MAF: variants seen among roughly 807,000 people sequenced by gnomAD.
The protein encoded by MAF is transcription factor Maf.
MAF carries 10 observed loss-of-function variants against 22.0 expected under a neutral mutation model. The observed-to-expected ratio is 0.45, with a 90% confidence interval of 0.28 to 0.77. The LOEUF is 0.77. Ranked by LOEUF, MAF falls within the 30% of genes least tolerant of loss-of-function variation. The pLI, the probability that MAF is intolerant of heterozygous loss-of-function variation, is 0.12. For missense variants in MAF, 544 were observed against 548.4 expected (o/e 0.99, Z 0.08); for synonymous variants, 337 against 255.8 (o/e 1.32, Z -3.03).
chr16:79,457,651 G>C, the MAF span, among the ~76,000 whole-genome samples: 1 of 152,246 alleles, frequency 6.6e-6, no homozygotes. Context: ...AGAAGTAAGA[G>C]ACAGGGGTGA....
At chr16:79,305,897 C>G in the MAF span, among the ~76,000 whole-genome samples, 2 of 152,170 alleles carry the variant, frequency 1.3e-5, no homozygotes, top group Non-Finnish European at 2.9e-5. Flanking sequence ...CTATTTGGGA[C>G]CACAGCATGC....
At chr16:79,527,187 G>C in the MAF span, among the ~76,000 whole-genome samples, 3 of 152,176 alleles carry the variant, frequency 2.0e-5, no homozygotes, top group East Asian at 3.9e-4. Flanking sequence ...TACTAGATTG[G>C]TCTTCGTCCC....
At chr16:79,372,204 C>A in the MAF span, among the ~76,000 whole-genome samples, 1 of 151,772 alleles carries the variant, frequency 6.6e-6, no homozygotes, top group Non-Finnish European at 1.5e-5. Flanking sequence ...TCTCTGCCAG[C>A]CCAGGTCACA....
chr16:79,421,952 G>A, the MAF span, among the ~76,000 whole-genome samples: 4 of 152,028 alleles, frequency 2.6e-5, no homozygotes, highest in South Asian at 2.1e-4. Flanking sequence ...TAATTTTTGT[G>A]TTTTTAGTAG....
the MAF span, among the ~76,000 whole-genome samples, chr16:79,259,388 C>A: frequency 6.6e-5 from 10 of 152,312 alleles, no homozygotes; most frequent in African/African-American, 2.4e-4. Flanking sequence ...CGCTGAGTTC[C>A]TGTGAAGTCA....
At chr16:79,242,353 A>G in the MAF span, among the ~76,000 whole-genome samples, 1 of 151,164 alleles carries the variant, frequency 6.6e-6, no homozygotes, top group African/African-American at 2.4e-5. Context: ...ACATTTACCA[A>G]GCAAATGGGA....
At chr16:79,238,886 A>T in the MAF span, among the ~76,000 whole-genome samples, 1 of 151,708 alleles carries the variant, frequency 6.6e-6, no homozygotes, top group Non-Finnish European at 1.5e-5. Flanking sequence ...ACCCCAGCAC[A>T]CTCCATCTTG....
chr16:79,372,814 C>G, the MAF span, among the ~76,000 whole-genome samples: 2 of 152,220 alleles, frequency 1.3e-5, no homozygotes, highest in African/African-American at 4.8e-5. Context: ...CTGGCACCCT[C>G]TCAGCTCCAG....
At chr16:79,486,906 C>G in the MAF span, among the ~76,000 whole-genome samples, 1 of 152,154 alleles carries the variant, frequency 6.6e-6, no homozygotes, top group African/African-American at 2.4e-5. Context: ...TCCCCCTCCA[C>G]CTCCTACAAG....
At chr16:79,466,562 C>T in the MAF span, among the ~76,000 whole-genome samples, 3 of 152,238 alleles carry the variant, frequency 2.0e-5, no homozygotes, top group Non-Finnish European at 4.4e-5. Flanking sequence ...GGATCTTCCT[C>T]AGGTTGGCAC....
At chr16:79,330,167 T>TTATC in the MAF span, among the ~76,000 whole-genome samples, 1 of 152,090 alleles carries the variant, frequency 6.6e-6, no homozygotes, top group East Asian at 1.9e-4. Context: ...AGGGCAAAGG[T>TTATC]TATCTACACA....
intron 1 of MAF, chr16:79,595,981 C>T: frequency 1.9e-6 from 2 of 1,060,936 alleles, no homozygotes; most frequent in East Asian, 5.1e-5. Flanking sequence ...TAAATCTTGT[C>T]AGGCCTTGCT....
chr16:79,225,570 A>C, the MAF span, among the ~76,000 whole-genome samples: 1 of 152,322 alleles, frequency 6.6e-6, no homozygotes, highest in Non-Finnish European at 1.5e-5. Flanking sequence ...AAAAGAAACT[A>C]TCATCAGAGT....
the MAF span, among the ~76,000 whole-genome samples, chr16:79,404,405 G>A: frequency 7.2e-5 from 11 of 152,000 alleles, no homozygotes; most frequent in African/African-American, 7.2e-5. Flanking sequence ...CTCGTGATCT[G>A]CCCGCCTTGG....
chr16:79,355,822 G>A, the MAF span, among the ~76,000 whole-genome samples: 2 of 152,046 alleles, frequency 1.3e-5, no homozygotes, highest in African/African-American at 2.4e-5. Flanking sequence ...AGGGGAACGT[G>A]GTGGGGTCCT....
the MAF span, among the ~76,000 whole-genome samples, chr16:79,397,922 T>C: frequency 3.9e-4 from 59 of 152,214 alleles, no homozygotes; most frequent in Non-Finnish European, 7.9e-4. Context: ...AGATGTATCA[T>C]TTTTCTATTG....
chr16:79,448,198 T>C, the MAF span, among the ~76,000 whole-genome samples: 1 of 152,040 alleles, frequency 6.6e-6, no homozygotes, highest in East Asian at 1.9e-4. Flanking sequence ...AAATTGTTAG[T>C]GAAAGAGCAA....
the MAF span, among the ~76,000 whole-genome samples, chr16:79,461,735 G>C: frequency 6.6e-6 from 1 of 152,166 alleles, no homozygotes; most frequent in African/African-American, 2.4e-5. Context: ...AGAGGAGAGA[G>C]ACCACATGTG....
the MAF span, among the ~76,000 whole-genome samples, chr16:79,511,112 G>A: frequency 2.6e-5 from 4 of 152,108 alleles, no homozygotes; most frequent in Non-Finnish European, 4.4e-5. Context: ...TGGCGGGGTG[G>A]TGATTTTTCT....
Sources: gnomAD v4.1 joint callset for allele counts (sites outside exome capture counted in the v4.1 genomes callset) on GRCh38, gnomAD v4.1.1 for gene constraint, MANE v1.5 for transcripts, NCBI Gene and HGNC (gene_info 2026-07-23, HGNC 2026-07-21) for gene names.